ABTB3: variants seen among roughly 807,000 people sequenced by gnomAD.
The protein encoded by ABTB3 is ankyrin repeat- and BTB/POZ domain-containing protein 3.
chr12:107,420,240 C>T, the ABTB3 span, among the ~76,000 whole-genome samples: 1 of 152,164 alleles, frequency 6.6e-6, no homozygotes. Flanking sequence ...GAGTTGACCA[C>T]ACCATCTCTC....
At chr12:107,425,590 C>T in the ABTB3 span, among the ~76,000 whole-genome samples, 1 of 152,184 alleles carries the variant, frequency 6.6e-6, no homozygotes, top group South Asian at 2.1e-4. Context: ...ATTAAACAAA[C>T]TCAAAGAATT....
chr12:107,467,901 A>T, the ABTB3 span, among the ~76,000 whole-genome samples: 2 of 152,144 alleles, frequency 1.3e-5, no homozygotes, highest in Non-Finnish European at 2.9e-5. Flanking sequence ...AGGGCTCAAG[A>T]TGTGGCCACC....
the ABTB3 span, among the ~76,000 whole-genome samples, chr12:107,401,071 G>A: frequency 6.6e-5 from 10 of 152,184 alleles, no homozygotes; most frequent in Admixed American, 6.5e-5. Context: ...TCTCCTGGCC[G>A]CATCTCAGCT....
At chr12:107,385,972 A>G in the ABTB3 span, among the ~76,000 whole-genome samples, 1 of 152,198 alleles carries the variant, frequency 6.6e-6, no homozygotes, top group South Asian at 2.1e-4. Context: ...CCTGGGTTTG[A>G]GTGAGAAGTC....
At chr12:107,493,536 C>G in the ABTB3 span, among the ~76,000 whole-genome samples, 1 of 152,186 alleles carries the variant, frequency 6.6e-6, no homozygotes, top group African/African-American at 2.4e-5. Context: ...TTCTTGAGGA[C>G]CCATTTTGTG....
At chr12:107,472,853 G>A in the ABTB3 span, among the ~76,000 whole-genome samples, 2 of 152,176 alleles carry the variant, frequency 1.3e-5, no homozygotes, top group African/African-American at 4.8e-5. Flanking sequence ...GCCAACTCCA[G>A]GGATGTTCAG....
chr12:107,455,713 G>T, the ABTB3 span, among the ~76,000 whole-genome samples: 2 of 152,186 alleles, frequency 1.3e-5, no homozygotes, highest in African/African-American at 4.8e-5. Context: ...GTCAGCTGTA[G>T]GACGGGGAGT....
chr12:107,615,484 A>G, the ABTB3 span, among the ~76,000 whole-genome samples: 9 of 152,340 alleles, frequency 5.9e-5, no homozygotes, highest in Admixed American at 5.9e-4. Flanking sequence ...CGCAACATGA[A>G]CATGAGATTT....
At chr12:107,420,031 A>C in the ABTB3 span, among the ~76,000 whole-genome samples, 1 of 152,210 alleles carries the variant, frequency 6.6e-6, no homozygotes, top group South Asian at 2.1e-4. Context: ...AGAGGTTGGC[A>C]GTGGGGAACC....
chr12:107,365,406 T>C, the ABTB3 span, among the ~76,000 whole-genome samples: 37 of 152,294 alleles, frequency 2.4e-4, no homozygotes, highest in African/African-American at 8.7e-4. Context: ...ATGGACACAA[T>C]ACACAGAGTA....
chr12:107,535,210 G>A, the ABTB3 span, among the ~76,000 whole-genome samples: 5 of 152,186 alleles, frequency 3.3e-5, no homozygotes, highest in African/African-American at 9.6e-5. Context: ...CTCAATAGAG[G>A]CAGAAAATGC....
At chr12:107,583,864 A>T in the ABTB3 span, among the ~76,000 whole-genome samples, 2 of 152,152 alleles carry the variant, frequency 1.3e-5, no homozygotes, top group Non-Finnish European at 2.9e-5. Context: ...TTAATCATTT[A>T]TCTCTTCATT....
chr12:107,486,842 A>T, the ABTB3 span, among the ~76,000 whole-genome samples: 3 of 152,062 alleles, frequency 2.0e-5, no homozygotes, highest in African/African-American at 7.3e-5. Flanking sequence ...CAGCAACCCT[A>T]AGTGGTAGGT....
At chr12:107,620,781 G>T in the ABTB3 span, among the ~76,000 whole-genome samples, 1 of 152,160 alleles carries the variant, frequency 6.6e-6, no homozygotes, top group Non-Finnish European at 1.5e-5. Context: ...ACAGAGAAAT[G>T]CAGCCTCTTC....
chr12:107,399,606 C>T, the ABTB3 span, among the ~76,000 whole-genome samples: 4 of 152,330 alleles, frequency 2.6e-5, no homozygotes, highest in Non-Finnish European at 5.9e-5. Flanking sequence ...ATAACAATTA[C>T]TACTACTATG....
chr12:107,355,081 C>T, the ABTB3 span, among the ~76,000 whole-genome samples: 3 of 152,194 alleles, frequency 2.0e-5, no homozygotes, highest in Non-Finnish European at 2.9e-5. Flanking sequence ...AGGGGTCCCT[C>T]GCCCAAATGT....
At chr12:107,420,081 G>A in the ABTB3 span, among the ~76,000 whole-genome samples, 3 of 152,280 alleles carry the variant, frequency 2.0e-5, no homozygotes, top group Non-Finnish European at 4.4e-5. Flanking sequence ...TGGAAAGATG[G>A]CCCTGCACCT....
chr12:107,368,755 A>G, the ABTB3 span, among the ~76,000 whole-genome samples: 50 of 152,284 alleles, frequency 3.3e-4, no homozygotes, highest in African/African-American at 1.1e-3. Context: ...TTAACAATCA[A>G]TATTACTCAA....
At chr12:107,553,013 G>T in the ABTB3 span, among the ~76,000 whole-genome samples, 1 of 152,168 alleles carries the variant, frequency 6.6e-6, no homozygotes, top group Non-Finnish European at 1.5e-5. Context: ...TCCTCATTTT[G>T]GTACTGGTTC....
Sources: allele counts gnomAD v4.1 joint callset (sites outside exome capture counted in the v4.1 genomes callset), GRCh38; gene constraint gnomAD v4.1.1; transcripts MANE v1.5; gene names NCBI Gene and HGNC (gene_info 2026-07-23, HGNC 2026-07-21).